Variants in TMEM161A observed in about 807,000 individuals in gnomAD.
TMEM161A encodes the protein transmembrane protein 161A.
TMEM161A carries 46 observed loss-of-function variants against 57.1 expected under a neutral mutation model. The ratio of observed to expected loss-of-function variants is 0.81; its 90% CI spans 0.64 to 1.03. The LOEUF is 1.03. Among genes scored for constraint, TMEM161A ranks in the 50% least tolerant of loss-of-function variants. The pLI, the probability that TMEM161A is intolerant of heterozygous loss-of-function variation, is 0.00. For missense variants in TMEM161A, 601 were observed against 621.5 expected (o/e 0.97, Z 0.35); for synonymous variants, 288 against 279.0 (o/e 1.03, Z -0.32).
chr19:19,132,209 A>C lies in TMEM161A; in HGVS notation c.443+143T>G. On this transcript the variant is annotated intron_variant, in intron 5 of 11. Coordinates refer to ENST00000162044, the MANE Select transcript of TMEM161A (RefSeq NM_017814.3). The surrounding 1 kb of genome is among the most constrained non-coding windows in gnomAD (Gnocchi z 4.3). ...CTGTCCACCCACAGAGCTGGAGCAC[A>C]TAAAATGTCTGCTTCATGTCACTAA... 1 of 980,422 alleles carries C rather than the reference A, an allele frequency of 1.0e-6. No individual in the cohort carries two copies. Among genetic ancestry groups the C allele is most frequent in the Middle Eastern group, 3.3e-4 (1 of 3,070 alleles). 60.7% of individuals were successfully genotyped at this position (980,422 alleles called of 1,614,324 possible). A position where few individuals can be genotyped will look rare whatever the true frequency, so the allele number is the denominator to read the frequency against.
At chr19:19,122,118 C>A (rs1041447672) in intron 6 of TMEM161A, among the ~76,000 whole-genome samples, 1 of 151,994 alleles carries the variant, frequency 6.6e-6, no homozygotes, top group South Asian at 2.1e-4. Context: ...TGCAGTGAAA[C>A]CCCCGTCTCT....
At position 19,120,066 on chromosome 19, in the gene TMEM161A, G is replaced by T; in HGVS notation, c.1304C>A (p.Ala435Asp). 1 of 1,594,210 alleles carries T rather than the reference G, an allele frequency of 6.3e-7. No individual in the cohort carries two copies. Among genetic ancestry groups the T allele is most frequent in the Non-Finnish European group, 8.5e-7 (1 of 1,171,026 alleles). Reference sequence around the variant, plus strand: ...AGTAAGCAGGCCACCCAGAGCCCCGGCAATCCGCGCTGCAGTCTGCTGGAC... The same window carrying T: ...AGTAAGCAGGCCACCCAGAGCCCCGTCAATCCGCGCTGCAGTCTGCTGGAC... ...DEVQQTAARIAGALGGLLTPL... is the reference protein window; with the variant it reads ...DEVQQTAARIDGALGGLLTPL... Residue 435 changes from alanine to aspartate, a missense_variant, in exon 12 of 12, where the codon GCC (alanine) becomes GAC (aspartate). Coordinates refer to ENST00000162044, the MANE Select transcript of TMEM161A (RefSeq NM_017814.3).
At chr19:19,133,590 G>A (rs993681138) in intron 2 of TMEM161A, among the ~76,000 whole-genome samples, 1 of 152,150 alleles carries the variant, frequency 6.6e-6, no homozygotes, top group African/African-American at 2.4e-5. Context: ...TCCTGCCTCA[G>A]CCTCCCGAGG....
At chr19:19,129,021 C>T (rs76828062) in intron 6 of TMEM161A, among the ~76,000 whole-genome samples, 1,937 of 152,212 alleles carry the variant, frequency 0.013, 30 homozygotes, top group African/African-American at 0.044. Context: ...CATGAATAAA[C>T]AGGAAAAGGT....
At chr19:19,120,238 G>A in intron 11 of TMEM161A, 55 bp from the exon 12 acceptor site, 1 of 1,447,306 alleles carries the variant, frequency 6.9e-7, no homozygotes, top group Non-Finnish European at 9.2e-7. Flanking sequence ...AGGGGGCGAG[G>A]GACAGGGCTG....
intron 6 of TMEM161A, among the ~76,000 whole-genome samples, chr19:19,123,943 A>G (rs764758692): frequency 5.9e-5 from 9 of 152,038 alleles, no homozygotes; most frequent in African/African-American, 1.9e-4. Flanking sequence ...AATACCAGCT[A>G]CTTGGGAGGC....
At chr19:19,134,717 C>G (rs370629996) in intron 2 of TMEM161A, 67 bp downstream of exon 2, 1 of 1,184,778 alleles carries the variant, frequency 8.4e-7, no homozygotes. Context: ...ATTTGTGAGG[C>G]GGGGCGTGGG....
Position 19,121,801 on chromosome 19 carries a change from T to G in TMEM161A, c.614A>C (p.Gln205Pro). ...GLEPGLASMT[Q>P]NLEPLLKKQG... ...CTTCTTCAGAAGTGGCTCTAAGTTC[T>G]GGGTCATGCTGGCCAGACCTGGGGA... The change falls in exon 7 of 12, where the codon CAG becomes CCG. Residue 205 changes from glutamine to proline, a missense_variant. Coordinates refer to ENST00000162044, the MANE Select transcript of TMEM161A (RefSeq NM_017814.3). This position sits in a 1 kb window ranked among gnomAD's most constrained non-coding sequence, Gnocchi z 5.8. 6.2e-7 allele frequency: 1 copy of G among 1,613,902 alleles called. No individual in the cohort carries two copies. The highest frequency in any genetic ancestry group is 8.5e-7 in the Non-Finnish European group (1 of 1,180,004).
At chr19:19,131,640 C>G (rs891884853) in intron 5 of TMEM161A, among the ~76,000 whole-genome samples, 3 of 152,094 alleles carry the variant, frequency 2.0e-5, no homozygotes, top group African/African-American at 7.2e-5. Context: ...ATTCTCCTGC[C>G]TCAGGCTCCT....
Position 19,132,943 on chromosome 19 carries a change from T to C in TMEM161A, c.188+187A>G, listed in dbSNP as rs2059965828. ...CTAGAGCAAACTGCCAGGAAACAGA[T>C]GCTAACTTGACAGTGACCATCTCCT... is the stretch of plus-strand genomic sequence containing the variant. On this transcript the variant is annotated intron_variant, in intron 3 of 11. Coordinates refer to ENST00000162044, the MANE Select transcript of TMEM161A (RefSeq NM_017814.3). The surrounding 1 kb of genome is among the most constrained non-coding windows in gnomAD (Gnocchi z 4.3). The C allele has an allele frequency of 4.2e-6, 3 of 709,070 alleles. No homozygotes were observed. Among genetic ancestry groups the C allele is most frequent in the Admixed American group, 3.0e-5 (1 of 33,422 alleles). 43.9% of individuals were successfully genotyped at this position (709,070 alleles called of 1,614,324 possible).
rs1361111355 is a variant in TMEM161A, at chr19:19,138,464, C to T, written c.-36G>A. 6.3e-7 allele frequency: 1 copy of T among 1,589,278 alleles called. No individual in the cohort carries two copies. Among genetic ancestry groups the T allele is most frequent in the African/African-American group, 1.3e-5 (1 of 74,304 alleles). ...AGAACGCGGTGCACTCACCCACCGG[C>T]CTAGGGCTCCGGGCACTCTGCGGAA... On this transcript the variant is annotated 5_prime_UTR_variant, in exon 1 of 12. Coordinates refer to ENST00000162044, the MANE Select transcript of TMEM161A (RefSeq NM_017814.3).
At chr19:19,123,917 G>A (rs184284605) in intron 6 of TMEM161A, among the ~76,000 whole-genome samples, 82 of 152,160 alleles carry the variant, frequency 5.4e-4, no homozygotes, top group Admixed American at 3.7e-3. Flanking sequence ...AAAAATAGCT[G>A]GGCATGGTGG....
chr19:19,125,557 C>T (rs2059926755), intron 6 of TMEM161A, among the ~76,000 whole-genome samples: 1 of 148,558 alleles, frequency 6.7e-6, no homozygotes, highest in Admixed American at 6.7e-5. Flanking sequence ...CGCTCTGTTG[C>T]CCAGGCTGGA....
rs1248622864 is a variant in TMEM161A, at chr19:19,134,791, T to C, written c.100A>G (p.Asn34Asp). 7.0e-6 allele frequency: 11 copies of C among 1,574,614 alleles called. No individual in the cohort carries two copies. The highest frequency in any genetic ancestry group is 9.5e-6 in the Non-Finnish European group (11 of 1,162,454). ...HCSFARWLLC[N>D]GSLFRYKHPS... ...CGCCGGGGCGGGGCTCACCTGCCGT[T>C]ACAGAGCAGCCAGCGCGCGAAGGAG... The change falls in exon 2 of 12, where the codon AAC becomes GAC. Residue 34 changes from asparagine to aspartate, a missense_variant. By Grantham distance (23) the Asn-to-Asp change is conservative. Transcript: ENST00000162044.
rs773776382 is a variant in TMEM161A at position 19,130,287 on chromosome 19, G to A, written c.464C>T (p.Thr155Ile). 29 of 1,613,386 alleles carry A rather than the reference G, an allele frequency of 1.8e-5. No homozygotes were observed. The highest frequency in any genetic ancestry group is 2.3e-5 in the Non-Finnish European group (27 of 1,180,048). Residue 155 changes from threonine to isoleucine, a missense_variant, in exon 6 of 12, where the codon ACA becomes ATA. Thr to Ile is a moderately conservative substitution (Grantham distance 89). Transcript: ENST00000162044. ...TFSIKMFLTV[T>I]RLYFSAEEGG... ...CTCCTCGGCGCTGAAGTACAGCCGT[G>A]TCACTGTCAGGAACATCTTGCTGGA... is the stretch of plus-strand genomic sequence containing the variant.
rs2059906783 is a variant in TMEM161A, at chr19:19,121,009, G to A, written c.1072C>T (p.Arg358Cys). 6.2e-7 allele frequency: 1 copy of A among 1,607,452 alleles called. No individual in the cohort carries two copies. ...LRREAGRIEA[R>C]EIQQRVVRVY... ...GTCCATACCCTCTGCTGGATTTCAC[G>A]GGCTTCGATGCGGCCAGCCTCCCTT... Residue 358 changes from arginine to cysteine, a missense_variant, in exon 10 of 12, where the codon CGT becomes TGT. Transcript: ENST00000162044. This position sits in a 1 kb window ranked among gnomAD's most constrained non-coding sequence, Gnocchi z 5.8.
At chr19:19,133,924 C>T (rs1326543549) in intron 2 of TMEM161A, among the ~76,000 whole-genome samples, 2 of 152,148 alleles carry the variant, frequency 1.3e-5, no homozygotes, top group East Asian at 3.8e-4. Context: ...CGTGAGCCAC[C>T]ATACCTGGCT....
At position 19,119,701 on chromosome 19, in the gene TMEM161A, G is replaced by A; in HGVS notation, c.*229C>T. 1 of 583,992 alleles carries A rather than the reference G, an allele frequency of 1.7e-6. No individual in the cohort carries two copies. The highest frequency in any genetic ancestry group is 3.0e-5 in the Admixed American group (1 of 33,380). The allele number at this position is 583,992 out of a possible 1,614,324, so 36.2% of individuals were successfully genotyped here. Reference sequence around the variant, plus strand: ...CACTCAAACCTGGCACATACGCTTCGGAGACAATGGCCTCGGGACCCTCAT... The same window carrying A: ...CACTCAAACCTGGCACATACGCTTCAGAGACAATGGCCTCGGGACCCTCAT... On this transcript the variant is annotated 3_prime_UTR_variant, in exon 12 of 12. Coordinates refer to ENST00000162044, the MANE Select transcript of TMEM161A (RefSeq NM_017814.3).
At chr19:19,120,502 G>C (rs1035070747) in intron 11 of TMEM161A, among the ~76,000 whole-genome samples, 14 of 148,144 alleles carry the variant, frequency 9.5e-5, no homozygotes, top group African/African-American at 3.3e-4. Flanking sequence ...CTCCTGCTCA[G>C]ACCCTGCCTC....
Sources: allele counts gnomAD v4.1 joint callset (sites outside exome capture counted in the v4.1 genomes callset), GRCh38; gene constraint gnomAD v4.1.1; non-coding constraint Gnocchi (gnomAD v3.1); transcripts MANE v1.5; gene names NCBI Gene and HGNC (gene_info 2026-07-23, HGNC 2026-07-21).